NCAM2: variants seen among roughly 807,000 people sequenced by gnomAD.
NCAM2 encodes the protein neural cell adhesion molecule 2, also known as N-CAM-2.
NCAM2 carries 30 observed loss-of-function variants against 98.1 expected under a neutral mutation model. The observed-to-expected ratio is 0.31, with a 90% CI of 0.23 to 0.41. The LOEUF is 0.41. Ranked by LOEUF, NCAM2 falls within the 10% of genes least tolerant of loss-of-function variation. The probability of loss-of-function intolerance (pLI) is 1.00; values close to 1 mark genes in which losing one functional copy is unlikely to be tolerated. For synonymous variants in NCAM2, 368 were observed against 342.4 expected, an observed-to-expected ratio of 1.07 and a Z score of -0.83; for missense variants, 867 against 1,005.8, an observed-to-expected ratio of 0.86 and a Z score of 1.87.
At chr21:21,055,912 A>G (rs2065201239) in intron 1 of NCAM2, among the ~76,000 whole-genome samples, 1 of 152,146 alleles carries the variant, frequency 6.6e-6, no homozygotes, top group African/African-American at 2.4e-5. Flanking sequence ...CACCATTATT[A>G]TGACACTTAC....
chr21:21,168,717 A>G (rs1035445653), intron 1 of NCAM2, among the ~76,000 whole-genome samples: 18 of 152,208 alleles, frequency 1.2e-4, no homozygotes, highest in Admixed American at 3.9e-4. Flanking sequence ...AAAATGAAAT[A>G]TTAGAGTATA....
intron 1 of NCAM2, among the ~76,000 whole-genome samples, chr21:21,209,573 A>G (rs2069568151): frequency 6.6e-6 from 1 of 152,036 alleles, no homozygotes; most frequent in Admixed American, 6.6e-5. Flanking sequence ...AGGATGGGAA[A>G]AGGGCAGGGA....
Position 21,071,307 on chromosome 21 carries a change from T to G in NCAM2, c.55+72689T>G, listed in dbSNP as rs570767412. ...GAGAAACATGTGCCTGCTATCAACT[T>G]AGAGTTGGTGAAGCAAATTGGTAAA... is the stretch of plus-strand genomic sequence containing the variant. On this transcript the variant is annotated intron_variant, in intron 1 of 17. Transcript: ENST00000400546. Among the ~76,000 whole-genome samples the G allele has an allele frequency of 2.0e-4, 30 of 152,288 alleles. 1 individual carries two copies. The South Asian group carries it at 3.5e-3, about 18-fold the overall frequency.
At chr21:21,234,284 T>A (rs1365566867) in intron 1 of NCAM2, among the ~76,000 whole-genome samples, 1 of 151,290 alleles carries the variant, frequency 6.6e-6, no homozygotes, top group African/African-American at 2.4e-5. Context: ...GAACTTTAAG[T>A]CTATAAAAAA....
chr21:21,185,688 A>G (rs1052805137), intron 1 of NCAM2, among the ~76,000 whole-genome samples: 1 of 152,158 alleles, frequency 6.6e-6, no homozygotes, highest in Non-Finnish European at 1.5e-5. Flanking sequence ...TCATAGCAGC[A>G]CTATTAAAAA....
chr21:21,320,707 G>A (rs1178748860), intron 5 of NCAM2, among the ~76,000 whole-genome samples: 1 of 152,090 alleles, frequency 6.6e-6, no homozygotes, highest in Non-Finnish European at 1.5e-5. Context: ...ATTGTATATT[G>A]AGAGGCTATA....
At chr21:21,255,287 C>CT (rs1192857617) in intron 1 of NCAM2, among the ~76,000 whole-genome samples, 3 of 152,112 alleles carry the variant, frequency 2.0e-5, no homozygotes, top group Admixed American at 2.0e-4. Flanking sequence ...GAGCTGTGCT[C>CT]TATTTATTGA....
intron 1 of NCAM2, among the ~76,000 whole-genome samples, chr21:21,192,252 A>G (rs1255353112): frequency 6.6e-6 from 1 of 151,012 alleles, no homozygotes; most frequent in Non-Finnish European, 1.5e-5. Context: ...CAAAAAAACT[A>G]AAAAAAAACC....
intron 15 of NCAM2, among the ~76,000 whole-genome samples, chr21:21,496,723 G>T (rs1025146183): frequency 2.0e-5 from 3 of 152,026 alleles, no homozygotes; most frequent in Non-Finnish European, 4.4e-5. Context: ...TTAGGTTGTC[G>T]TCCAGGATTT....
At chr21:21,254,775 C>T (rs1000653133) in intron 1 of NCAM2, among the ~76,000 whole-genome samples, 12 of 146,876 alleles carry the variant, frequency 8.2e-5, no homozygotes, top group African/African-American at 3.0e-4. Flanking sequence ...ATAAGAAGAT[C>T]ACCTCGGCGA....
intron 1 of NCAM2, among the ~76,000 whole-genome samples, chr21:21,216,620 C>G (rs2069911340): frequency 6.6e-6 from 1 of 152,182 alleles, no homozygotes; most frequent in African/African-American, 2.4e-5. Context: ...TTGTCCTGTC[C>G]TTAGCCAGGG....
intron 1 of NCAM2, among the ~76,000 whole-genome samples, chr21:21,232,610 G>A (rs561114079): frequency 6.6e-6 from 1 of 151,550 alleles, no homozygotes; most frequent in South Asian, 2.1e-4. Context: ...ACTTGTTATG[G>A]GAAAAATAAC....
intron 9 of NCAM2, among the ~76,000 whole-genome samples, chr21:21,374,378 G>A (rs1475569359): frequency 1.3e-5 from 2 of 151,646 alleles, no homozygotes; most frequent in Non-Finnish European, 2.9e-5. Flanking sequence ...CAAATATGTA[G>A]TGTTTACATT....
At chr21:21,246,162 A>G (rs113843025) in intron 1 of NCAM2, among the ~76,000 whole-genome samples, 1 of 152,252 alleles carries the variant, frequency 6.6e-6, no homozygotes, top group African/African-American at 2.4e-5. Context: ...ATGCCACTCA[A>G]CCAGCCCATG....
At chr21:21,343,423 A>C (rs2075103305) in intron 8 of NCAM2, among the ~76,000 whole-genome samples, 1 of 151,706 alleles carries the variant, frequency 6.6e-6, no homozygotes, top group Non-Finnish European at 1.5e-5. Flanking sequence ...AAATCAGGTG[A>C]ACAGTTGTAG....
chr21:21,350,931 C>CAAAAAAA (rs113203468), intron 8 of NCAM2, among the ~76,000 whole-genome samples: 1 of 44,170 alleles, frequency 2.3e-5, no homozygotes, highest in African/African-American at 7.4e-5. Context: ...AGTAAAAATA[C>CAAAAAAA]AAAAAAAAAA....
intron 1 of NCAM2, among the ~76,000 whole-genome samples, chr21:21,256,582 C>T (rs1415714579): frequency 1.3e-5 from 2 of 152,044 alleles, no homozygotes; most frequent in Non-Finnish European, 2.9e-5. Context: ...GAAAGTCCCC[C>T]TAATTTGTTG....
At chr21:21,341,787 G>A (rs927497085) in intron 8 of NCAM2, among the ~76,000 whole-genome samples, 7 of 149,094 alleles carry the variant, frequency 4.7e-5, no homozygotes, top group African/African-American at 1.7e-4. Flanking sequence ...TGACTTAAAT[G>A]TATAGATGAG....
intron 1 of NCAM2, among the ~76,000 whole-genome samples, chr21:21,070,046 G>T (rs1265904270): frequency 6.6e-6 from 1 of 152,014 alleles, no homozygotes; most frequent in Non-Finnish European, 1.5e-5. Flanking sequence ...TAAGTTCCTT[G>T]CATGCTAAAA....
Sources: allele counts gnomAD v4.1 joint callset (sites outside exome capture counted in the v4.1 genomes callset), GRCh38; gene constraint gnomAD v4.1.1; transcripts MANE v1.5; gene names NCBI Gene and HGNC (gene_info 2026-07-23, HGNC 2026-07-21).